The following ARID1B variants were observed in gnomAD, a reference collection of about 807,000 sequenced individuals.
ARID1B encodes AT-rich interaction domain 1B.
A neutral mutation model predicts 212.3 loss-of-function variants in ARID1B; 30 were observed. That is an observed-to-expected ratio of 0.14 (90% CI 0.11 to 0.19). ARID1B has a LOEUF of 0.19. ARID1B is among the 10% of genes least tolerant of loss of function. The pLI is 1.00. For synonymous variants in ARID1B, 1,402 were observed against 1,301.7 expected, an observed-to-expected ratio of 1.08 and a Z score of -1.66; for missense variants, 2,891 against 3,204.0, an observed-to-expected ratio of 0.90 and a Z score of 2.36.
At chr6:156,808,395 ATC>A (rs1388123687) in intron 1 of ARID1B, among the ~76,000 whole-genome samples, 2 of 152,134 alleles carry the variant, frequency 1.3e-5, no homozygotes, top group African/African-American at 4.8e-5. Flanking sequence ...TTTGTAAATA[ATC>A]TCTCTTGAAA....
chr6:157,142,782 T>G (rs961320375), intron 7 of ARID1B, among the ~76,000 whole-genome samples: 3 of 152,232 alleles, frequency 2.0e-5, no homozygotes, highest in African/African-American at 7.2e-5. Context: ...TAATTATGCA[T>G]TTCTTTTTTC....
At chr6:157,023,484 TA>T (rs1780456630) in intron 4 of ARID1B, 1 of 152,218 alleles carries the variant, frequency 6.6e-6, no homozygotes, top group Non-Finnish European at 1.5e-5. Flanking sequence ...TTATTTTACA[TA>T]AACTGGAGCA....
At chr6:157,062,766 C>T (rs376002509) in intron 4 of ARID1B, among the ~76,000 whole-genome samples, 10 of 150,070 alleles carry the variant, frequency 6.7e-5, no homozygotes, top group South Asian at 4.2e-4. Context: ...TGCAATGACG[C>T]GATCTCAGCT....
rs528264358 is a variant in ARID1B at position 156,955,920 on chromosome 6, C to G, written c.2247+20344C>G. Among the ~76,000 whole-genome samples the G allele has an allele frequency of 5.9e-5, 9 of 152,310 alleles. No individual in the cohort carries two copies. The East Asian group carries it at 1.7e-3, about 29-fold the overall frequency. On this transcript the variant is annotated intron_variant, in intron 4 of 19. Transcript: ENST00000636930. This position sits in a 1 kb window ranked among gnomAD's most constrained non-coding sequence, Gnocchi z 4.2. ...AGGCCGCTGGTGGTGGAAGCCGCGC[C>G]TGTTCTATTTCCTCACCTTCCTGTG...
At chr6:157,088,302 AGTCCAG>A (rs1785073686) in intron 5 of ARID1B, among the ~76,000 whole-genome samples, 1 of 152,216 alleles carries the variant, frequency 6.6e-6, no homozygotes, top group African/African-American at 2.4e-5. Context: ...CCATGGCTTG[AGTCCAG>A]GTATTACCCA....
In ARID1B at chr6:156,821,759, T is replaced by A. The variant is rs1404225417; in HGVS notation, c.1792-7468T>A. 3.9e-5 allele frequency among the ~76,000 whole-genome samples: 6 copies of A among 152,230 alleles called. No homozygotes were observed. The South Asian group carries it at 1.0e-3, about 26-fold the overall frequency. ...GGATGGGTTTCTAGATTAGATTCCA[T>A]GAACTCCTCTGACACTGTATGCTAA... is the stretch of plus-strand genomic sequence containing the variant. On this transcript the variant is annotated intron_variant, in intron 1 of 19. Transcript: ENST00000636930.
intron 1 of ARID1B, among the ~76,000 whole-genome samples, chr6:156,812,431 C>G (rs185763447): frequency 6.8e-6 from 1 of 147,692 alleles, no homozygotes; most frequent in Admixed American, 6.7e-5. Flanking sequence ...CCCCTGAACT[C>G]ATAGGACAGT....
chr6:156,795,552 ACTC>A (rs1043136765), intron 1 of ARID1B, among the ~76,000 whole-genome samples: 33 of 151,782 alleles, frequency 2.2e-4, no homozygotes, highest in African/African-American at 3.1e-4. Flanking sequence ...AAGGCAGAAA[ACTC>A]CTCCAGTTCT....
chr6:157,159,137 A>T (rs564925210), intron 8 of ARID1B, among the ~76,000 whole-genome samples: 1 of 152,314 alleles, frequency 6.6e-6, no homozygotes, highest in East Asian at 1.9e-4. Context: ...TGTGCTGGGG[A>T]TCAGCAGGGA....
At chr6:156,936,405 T>C (rs1792225056) in intron 4 of ARID1B, 1 of 151,474 alleles carries the variant, frequency 6.6e-6, no homozygotes, top group Admixed American at 6.6e-5. Flanking sequence ...TATATGGTGA[T>C]TGGGGTTTCT....
At chr6:156,892,043 CTTTTTTT>C (rs1047406340) in intron 2 of ARID1B, among the ~76,000 whole-genome samples, 1 of 115,168 alleles carries the variant, frequency 8.7e-6, no homozygotes, top group Non-Finnish European at 1.8e-5. Flanking sequence ...AGCGAATTTT[CTTTTTTT>C]TTTTTTTTTC....
At chr6:157,029,252 A>G (rs1428447855) in intron 4 of ARID1B, among the ~76,000 whole-genome samples, 1 of 152,254 alleles carries the variant, frequency 6.6e-6, no homozygotes, top group Non-Finnish European at 1.5e-5. Context: ...ATCACCAACC[A>G]CACATATGAC....
At chr6:157,082,563 T>A (rs1164146301) in intron 4 of ARID1B, among the ~76,000 whole-genome samples, 2 of 152,218 alleles carry the variant, frequency 1.3e-5, no homozygotes, top group Non-Finnish European at 2.9e-5. Context: ...TTTCTGGAAC[T>A]GCATCTCACC....
chr6:157,075,622 C>G (rs1219824204), intron 4 of ARID1B, among the ~76,000 whole-genome samples: 1 of 152,186 alleles, frequency 6.6e-6, no homozygotes, highest in Non-Finnish European at 1.5e-5. Context: ...ATGGAGAAAC[C>G]TGGTTGACAC....
At chr6:156,946,942 T>G (rs1793198491) in intron 4 of ARID1B, among the ~76,000 whole-genome samples, 1 of 152,226 alleles carries the variant, frequency 6.6e-6, no homozygotes, top group African/African-American at 2.4e-5. Flanking sequence ...TTTATAGAAG[T>G]AAAACATTGT....
chr6:157,039,919 T>TTCC (rs1562570208), intron 4 of ARID1B, among the ~76,000 whole-genome samples: 3 of 104,648 alleles, frequency 2.9e-5, no homozygotes, highest in African/African-American at 1.1e-4. Flanking sequence ...TCCTTCCTTC[T>TTCC]TTCTTTTCTT....
chr6:156,824,727 T>C (rs1436944184), intron 1 of ARID1B, among the ~76,000 whole-genome samples: 1 of 152,084 alleles, frequency 6.6e-6, no homozygotes, highest in Non-Finnish European at 1.5e-5. Flanking sequence ...ATTGTGCCAC[T>C]GCACTCCAGT....
chr6:157,051,774 C>T (rs1782621156), intron 4 of ARID1B, among the ~76,000 whole-genome samples: 1 of 152,128 alleles, frequency 6.6e-6, no homozygotes, highest in African/African-American at 2.4e-5. Flanking sequence ...TTGGTACAGT[C>T]CTCGTGCACC....
chr6:157,045,136 A>G (rs750557054), intron 4 of ARID1B, among the ~76,000 whole-genome samples: 3 of 152,246 alleles, frequency 2.0e-5, no homozygotes, highest in Non-Finnish European at 4.4e-5. Context: ...ATAAACTACT[A>G]TAAAGTTGAC....
Sources: allele counts gnomAD v4.1 joint callset (sites outside exome capture counted in the v4.1 genomes callset), GRCh38; gene constraint gnomAD v4.1.1; non-coding constraint Gnocchi (gnomAD v3.1); transcripts MANE v1.5; gene names NCBI Gene and HGNC (gene_info 2026-07-23, HGNC 2026-07-21).